The following CLEC20A variants were observed in gnomAD, a reference collection of about 807,000 sequenced individuals.
CLEC20A encodes C-type lectin domain containing 20A.
upstream of CLEC20A, chr1:178,497,016 A>G (rs1649414454): frequency 2.5e-6 from 1 of 399,044 alleles, no homozygotes; most frequent in Non-Finnish European, 4.4e-6. Flanking sequence ...GGGACTGTAG[A>G]AGAGGCTGCG....
At chr1:178,498,249 G>A (rs576170287), upstream of CLEC20A, among the ~76,000 whole-genome samples, 2 of 152,132 alleles carry the variant, frequency 1.3e-5, no homozygotes, top group South Asian at 2.1e-4. Flanking sequence ...TTCTGCTTCC[G>A]CACGGTCAGA....
At position 178,483,037 on chromosome 1, in the gene CLEC20A, C is replaced by G. The variant is rs1333566025; in HGVS notation, c.1036+138G>C. 5 of 395,506 alleles carry G rather than the reference C, an allele frequency of 1.3e-5. No homozygotes were observed. The East Asian group carries it at 1.4e-4, about 11-fold the overall frequency. 24.5% of individuals were successfully genotyped at this position (395,506 alleles called of 1,614,324 possible). A position where few individuals can be genotyped will look rare whatever the true frequency, so the allele number is the denominator to read the frequency against. ...ATGGAGCATAAACTAGAATCCACCT[C>G]TTTATTACTATCCCTATTCCCAACA... On this transcript the variant is annotated intron_variant, in intron 6 of 7. Transcript: ENST00000623247.
chr1:178,499,001 G>A (rs553812419), upstream of CLEC20A, among the ~76,000 whole-genome samples: 2 of 152,322 alleles, frequency 1.3e-5, no homozygotes, highest in East Asian at 1.9e-4. Context: ...TCTGGGGACA[G>A]AAGAGAACCT....
chr1:178,496,737 C>T, intron 1 of CLEC20A, 163 bp downstream of exon 1: 1 of 397,736 alleles, frequency 2.5e-6, no homozygotes, highest in Non-Finnish European at 4.4e-6. Flanking sequence ...GGCGAAGCTC[C>T]CTTCCCAACC....
chr1:178,491,758 T>C (rs1441113806), intron 3 of CLEC20A, among the ~76,000 whole-genome samples: 1 of 152,124 alleles, frequency 6.6e-6, no homozygotes, highest in Non-Finnish European at 1.5e-5. Flanking sequence ...CCATATCAGA[T>C]AGGAAGAAAC....
chr1:178,483,168 C>T lies in CLEC20A; in HGVS notation c.1036+7G>A. On this transcript the variant is annotated splice_region_variant and intron_variant, in intron 6 of 7. Coordinates refer to ENST00000623247, the Ensembl canonical transcript of CLEC20A. ...AGAGTAGGAACTTGGTAGACAGAAG[C>T]AGTTACCTGATTTTTGTGCTGATGT... 1 of 398,586 alleles carries T rather than the reference C, an allele frequency of 2.5e-6. No individual in the cohort carries two copies. The highest frequency in any genetic ancestry group is 4.4e-6 in the Non-Finnish European group (1 of 226,066). 24.7% of individuals were successfully genotyped at this position (398,586 alleles called of 1,614,324 possible). A position where few individuals can be genotyped will look rare whatever the true frequency, so the allele number is the denominator to read the frequency against.
chr1:178,493,272 T>C (rs1649306924), intron 2 of CLEC20A, among the ~76,000 whole-genome samples: 2 of 152,138 alleles, frequency 1.3e-5, no homozygotes, highest in Admixed American at 6.5e-5. Flanking sequence ...GGGAATCTCC[T>C]TACTCCCTTG....
intron 5 of CLEC20A, among the ~76,000 whole-genome samples, chr1:178,485,149 T>C (rs1383468761): frequency 1.3e-5 from 2 of 152,236 alleles, no homozygotes; most frequent in Non-Finnish European, 2.9e-5. Context: ...TCAGCCTTGT[T>C]GTGACTGTAT....
intron 4 of CLEC20A, 93 bp from the exon 5 acceptor site, chr1:178,488,692 C>T: frequency 2.5e-6 from 1 of 398,030 alleles, no homozygotes; most frequent in East Asian, 3.6e-5. Context: ...CATTTGGTTG[C>T]CCATCATGGT....
intron 5 of CLEC20A, chr1:178,486,399 T>C (rs940431318): frequency 5.0e-6 from 2 of 398,410 alleles, no homozygotes; most frequent in Non-Finnish European, 8.8e-6. Context: ...CTGCCTGGGG[T>C]GGAGGTCCTA....
intron 1 of CLEC20A, 99 bp downstream of exon 1, chr1:178,496,801 C>T (rs536344049): frequency 2.0e-5 from 8 of 398,696 alleles, no homozygotes; most frequent in African/African-American, 1.6e-4. Flanking sequence ...TCCCTCCAAC[C>T]TGGAAATCTG....
At chr1:178,487,440 G>A (rs56664696) in intron 5 of CLEC20A, among the ~76,000 whole-genome samples, 2,345 of 152,242 alleles carry the variant, frequency 0.015, 60 homozygotes, top group African/African-American at 0.053. Flanking sequence ...AGCGCTGACT[G>A]TCCCCACCCC....
chr1:178,487,434 C>T (rs1649176272), intron 5 of CLEC20A, among the ~76,000 whole-genome samples: 1 of 152,190 alleles, frequency 6.6e-6, no homozygotes, highest in Non-Finnish European at 1.5e-5. Context: ...CTCTCCAGCG[C>T]TGACTGTCCC....
intron 5 of CLEC20A, 56 bp downstream of exon 5, chr1:178,488,445 T>C: frequency 2.5e-6 from 1 of 398,686 alleles, no homozygotes; most frequent in Non-Finnish European, 4.4e-6. Flanking sequence ...AAGCCAGCCT[T>C]GCCACTTCCC....
upstream of CLEC20A, among the ~76,000 whole-genome samples, chr1:178,498,581 C>G (rs1423776065): frequency 6.6e-6 from 1 of 152,016 alleles, no homozygotes; most frequent in Non-Finnish European, 1.5e-5. Flanking sequence ...CAGGGCGAGA[C>G]CCTGTCTCTA....
At chr1:178,481,257 T>G (rs1389202523) in intron 7 of CLEC20A, 1 of 152,224 alleles carries the variant, frequency 6.6e-6, no homozygotes, top group East Asian at 1.9e-4. Flanking sequence ...AAATTTATAG[T>G]AAACACATAT....
chr1:178,496,693 G>A (rs1239183166), intron 1 of CLEC20A: 4 of 396,764 alleles, frequency 1.0e-5, no homozygotes, highest in African/African-American at 4.1e-5. Context: ...CCTTCTGGAC[G>A]CTGGCTGAGT....
At position 178,491,165 on chromosome 1, in the gene CLEC20A, G is replaced by C. The variant is rs547567075; in HGVS notation, c.464-728C>G. 2.1e-3 allele frequency among the ~76,000 whole-genome samples: 318 copies of C among 152,300 alleles called. 2 individuals are homozygous for C. Among genetic ancestry groups the C allele is most frequent in the African/African-American group, 7.0e-3 (292 of 41,554 alleles). ...GAGGCTGGACTGGGCCAGGTCCTGAGGTAGGACAGGCCCAGCCTACCCTGC... is the reference window on the plus strand; with the variant it reads ...GAGGCTGGACTGGGCCAGGTCCTGACGTAGGACAGGCCCAGCCTACCCTGC... On this transcript the variant is annotated intron_variant, in intron 3 of 7. Coordinates refer to ENST00000623247, the Ensembl canonical transcript of CLEC20A.
At chr1:178,497,187 G>A, upstream of CLEC20A, 2 of 387,234 alleles carry the variant, frequency 5.2e-6, no homozygotes, top group East Asian at 7.4e-5. Context: ...AGATCCCTGT[G>A]TGGGGGTTCA....
Sources: allele counts gnomAD v4.1 joint callset (sites outside exome capture counted in the v4.1 genomes callset), GRCh38; gene constraint gnomAD v4.1.1; transcripts MANE v1.5; gene names NCBI Gene and HGNC (gene_info 2026-07-23, HGNC 2026-07-21).